TBC1D2B: variants seen among roughly 807,000 people sequenced by gnomAD.
TBC1D2B encodes TBC1 domain family member 2B.
A neutral mutation model predicts 100.8 loss-of-function variants in TBC1D2B; 64 were observed. The ratio of observed to expected loss-of-function variants is 0.64; its 90% CI spans 0.52 to 0.78. The LOEUF (loss-of-function observed/expected upper bound fraction) is 0.78, where lower values mean the gene tolerates loss of function less well. Ranked by LOEUF, TBC1D2B falls within the 30% of genes least tolerant of loss-of-function variation. The pLI, the probability that TBC1D2B is intolerant of heterozygous loss-of-function variation, is 0.00. For missense variants in TBC1D2B, 1,052 were observed against 1,218.4 expected (o/e 0.86, Z 2.03); for synonymous variants, 480 against 479.7 (o/e 1.00, Z -0.01).
At chr15:78,048,263 C>T (rs1446440430) in intron 2 of TBC1D2B, among the ~76,000 whole-genome samples, 2 of 152,234 alleles carry the variant, frequency 1.3e-5, no homozygotes, top group Admixed American at 6.5e-5. Flanking sequence ...CAGCTTAATA[C>T]ATTTTTGCTG....
At chr15:78,000,864 C>G (rs369334949) in intron 12 of TBC1D2B, among the ~76,000 whole-genome samples, 2 of 152,328 alleles carry the variant, frequency 1.3e-5, no homozygotes, top group South Asian at 2.1e-4. Context: ...AATCTACCCC[C>G]CTTCTCCATC....
intron 1 of TBC1D2B, among the ~76,000 whole-genome samples, chr15:78,071,805 C>T (rs750424080): frequency 3.2e-4 from 49 of 152,272 alleles, no homozygotes; most frequent in African/African-American, 1.1e-3. Context: ...GGCACCTTAC[C>T]TTAGTCGGTT....
At chr15:78,075,531 A>G (rs2073815354) in intron 1 of TBC1D2B, among the ~76,000 whole-genome samples, 1 of 152,218 alleles carries the variant, frequency 6.6e-6, no homozygotes, top group African/African-American at 2.4e-5. Context: ...TCATCTGGGA[A>G]AAATGTGAAA....
At chr15:78,007,682 G>A (rs1454153277) in intron 10 of TBC1D2B, among the ~76,000 whole-genome samples, 3 of 152,220 alleles carry the variant, frequency 2.0e-5, no homozygotes, top group African/African-American at 4.8e-5. Flanking sequence ...CCACACTGGT[G>A]AGAGAAAAGC....
chr15:78,042,434 A>G (rs1026076569), intron 3 of TBC1D2B, among the ~76,000 whole-genome samples: 1 of 150,968 alleles, frequency 6.6e-6, no homozygotes, highest in Non-Finnish European at 1.5e-5. Flanking sequence ...TGAGCAAGTC[A>G]CTTTACCTCT....
intron 2 of TBC1D2B, among the ~76,000 whole-genome samples, chr15:78,051,186 A>G (rs1200509854): frequency 2.6e-5 from 4 of 152,238 alleles, no homozygotes; most frequent in Non-Finnish European, 5.9e-5. Context: ...CCCTATGTGT[A>G]AGTCCTTATT....
chr15:78,030,926 A>G (rs1405413641), intron 3 of TBC1D2B, among the ~76,000 whole-genome samples: 1 of 152,254 alleles, frequency 6.6e-6, no homozygotes, highest in Admixed American at 6.5e-5. Flanking sequence ...TTATTGATTG[A>G]GCCTACAACA....
chr15:78,068,489 T>C (rs1295354562), intron 1 of TBC1D2B, among the ~76,000 whole-genome samples: 1 of 151,900 alleles, frequency 6.6e-6, no homozygotes. Context: ...ATCCTCTAAG[T>C]ATGAAAGGCA....
At chr15:78,016,887 T>C (rs2072391153) in intron 7 of TBC1D2B, 148 bp from the exon 8 acceptor site, 2 of 629,912 alleles carry the variant, frequency 3.2e-6, no homozygotes, top group Admixed American at 3.5e-5. Context: ...AATTAATTTA[T>C]GCCACAGACC....
At chr15:78,045,954 G>C (rs1474960117) in intron 2 of TBC1D2B, among the ~76,000 whole-genome samples, 1 of 151,634 alleles carries the variant, frequency 6.6e-6, no homozygotes, top group Non-Finnish European at 1.5e-5. Context: ...CCCCATAGAC[G>C]GAGTTTTGCT....
At chr15:78,010,589 G>A (rs1462169649) in intron 9 of TBC1D2B, among the ~76,000 whole-genome samples, 1 of 152,074 alleles carries the variant, frequency 6.6e-6, no homozygotes, top group Non-Finnish European at 1.5e-5. Context: ...AGAGACAGAG[G>A]AGAGAAAAAC....
intron 1 of TBC1D2B, among the ~76,000 whole-genome samples, chr15:78,064,023 ACTCT>A (rs1423902642): frequency 6.6e-6 from 1 of 150,624 alleles, no homozygotes; most frequent in African/African-American, 2.4e-5. Flanking sequence ...CATGCTTAAA[ACTCT>A]CTCATGGCTT....
At chr15:78,061,515 G>C (rs532404916) in intron 1 of TBC1D2B, among the ~76,000 whole-genome samples, 1 of 151,532 alleles carries the variant, frequency 6.6e-6, no homozygotes, top group East Asian at 1.9e-4. Context: ...TGAAGCTGCA[G>C]TGAGCCATAA....
chr15:77,999,490 C>T (rs2071853242), intron 12 of TBC1D2B: 1 of 281,926 alleles, frequency 3.5e-6, no homozygotes, highest in East Asian at 9.9e-5. Flanking sequence ...ACGGGAGCAC[C>T]AGAGAACAGA....
Position 78,067,798 on chromosome 15 carries a change from CTCATTAGAAGATGGTGAT to C in TBC1D2B, c.360+9477_360+9494del, listed in dbSNP as rs922801476. Among the ~76,000 whole-genome samples the C allele has an allele frequency of 7.2e-4, 109 of 152,356 alleles. 1 individual carries two copies. Among genetic ancestry groups the C allele is most frequent in the African/African-American group, 2.5e-3 (103 of 41,578 alleles). ...CTAAGAAAATGGCCAAGCATGCAAACTCATTAGAAGATGGTGATTCCCAGCTTACAGGGAACACATGTT... is the reference window on the plus strand; with the variant it reads ...CTAAGAAAATGGCCAAGCATGCAAACTCCCAGCTTACAGGGAACACATGTT... On this transcript the variant is annotated intron_variant, in intron 1 of 12. Transcript: ENST00000300584.
Position 78,052,424 on chromosome 15 carries a change from G to A in TBC1D2B, c.514+1610C>T, listed in dbSNP as rs998007062. 2.6e-5 allele frequency among the ~76,000 whole-genome samples: 4 copies of A among 152,162 alleles called. 1 individual carries two copies. The highest frequency in any genetic ancestry group is 9.6e-5 in the African/African-American group (4 of 41,502). The stretch of plus-strand genomic sequence containing the variant: ...AGGGACAAAGCTCATCTTGAGTGCC[G>A]ACTTTGCTGAATGAATGAGTAAATG... On this transcript the variant is annotated intron_variant, in intron 2 of 12. Transcript: ENST00000300584.
At chr15:78,062,102 G>A (rs970617734) in intron 1 of TBC1D2B, among the ~76,000 whole-genome samples, 3 of 152,144 alleles carry the variant, frequency 2.0e-5, no homozygotes, top group African/African-American at 7.2e-5. Context: ...TGTAAGCCCC[G>A]GAGCTGCTTC....
At position 78,068,299 on chromosome 15, in the gene TBC1D2B, T is replaced by C. The variant is rs117598215; in HGVS notation, c.360+8994A>G. On this transcript the variant is annotated intron_variant, in intron 1 of 12. Coordinates refer to ENST00000300584, the MANE Select transcript of TBC1D2B (RefSeq NM_144572.2). ...AGCAAGCAGCATAGTGCTTAGAATA[T>C]GATAGATGCTCAAAAATATTTGCTG... Among the ~76,000 whole-genome samples, 824 of 152,038 alleles carry C rather than the reference T, an allele frequency of 5.4e-3. 2 individuals carry two copies. The highest frequency in any genetic ancestry group is 9.4e-3 in the Non-Finnish European group (638 of 68,000).
At chr15:78,008,597 C>T (rs1039371845) in intron 10 of TBC1D2B, among the ~76,000 whole-genome samples, 5 of 152,246 alleles carry the variant, frequency 3.3e-5, no homozygotes, top group South Asian at 2.1e-4. Flanking sequence ...GGCTTCCCCC[C>T]GCCGAAGTCT....
Sources: allele counts gnomAD v4.1 joint callset (sites outside exome capture counted in the v4.1 genomes callset), GRCh38; gene constraint gnomAD v4.1.1; transcripts MANE v1.5; gene names NCBI Gene and HGNC (gene_info 2026-07-23, HGNC 2026-07-21).